PCLO: variants seen among roughly 807,000 people sequenced by gnomAD.
The protein encoded by PCLO is piccolo presynaptic cytomatrix protein, also known as protein piccolo.
Under a neutral mutation model 427.5 loss-of-function variants are expected in PCLO, and 82 were observed. The ratio of observed to expected loss-of-function variants is 0.19; its 90% CI spans 0.16 to 0.23. PCLO has a LOEUF of 0.23. Ranked by LOEUF, PCLO falls within the 10% of genes least tolerant of loss-of-function variation. The probability of loss-of-function intolerance (pLI) is 1.00; values close to 1 mark genes in which losing one functional copy is unlikely to be tolerated. For missense variants in PCLO, 6,239 were observed against 6,115.9 expected (o/e 1.02, Z -0.67); for synonymous variants, 2,357 against 2,155.4 (o/e 1.09, Z -2.59).
intron 3 of PCLO, among the ~76,000 whole-genome samples, chr7:83,044,013 G>T (rs1353453265): frequency 1.4e-5 from 2 of 146,630 alleles, no homozygotes; most frequent in Non-Finnish European, 3.0e-5. Context: ...CTGAGACTGG[G>T]TAATTTATTT....
intron 24 of PCLO, among the ~76,000 whole-genome samples, chr7:82,759,362 T>A (rs957235379): frequency 1.3e-5 from 2 of 151,882 alleles, no homozygotes; most frequent in Non-Finnish European, 2.9e-5. Flanking sequence ...AGTTATATAA[T>A]TTACCCTTAT....
Position 82,950,462 on chromosome 7 carries a change from C to T in PCLO, c.10126G>A (p.Val3376Ile), listed in dbSNP as rs755305348. 1.2e-5 allele frequency: 20 copies of T among 1,613,550 alleles called. No individual in the cohort carries two copies. The highest frequency in any genetic ancestry group is 2.2e-5 in the East Asian group (1 of 44,830). The change falls in exon 6 of 25, where the codon GTT (valine) becomes ATT (isoleucine). Residue 3376 changes from valine to isoleucine, a missense_variant. By Grantham distance (29) the Val-to-Ile change is conservative (BLOSUM62 3). This residue lies in a region of PCLO where 4,677 missense variants were observed against 4,468.4 expected (regional missense o/e 1.05). Coordinates refer to ENST00000333891, the MANE Select transcript of PCLO (RefSeq NM_033026.6). ...EIPQSQGWYTVQSDGVTQYIA... is the reference protein window; with the variant it reads ...EIPQSQGWYTIQSDGVTQYIA... ...TACTGAGTAACACCATCAGACTGAA[C>T]GGTGTACCATCCTTGGCTTTGTGGT... is the stretch of plus-strand genomic sequence containing the variant.
intron 14 of PCLO, among the ~76,000 whole-genome samples, chr7:82,840,753 C>A (rs1319041387): frequency 2.6e-5 from 4 of 151,958 alleles, no homozygotes; most frequent in Admixed American, 2.6e-4. Context: ...GACTCTCTTT[C>A]ATCTGAAACA....
At chr7:82,947,911 C>G (rs1215616340) in intron 6 of PCLO, among the ~76,000 whole-genome samples, 1 of 151,986 alleles carries the variant, frequency 6.6e-6, no homozygotes, top group Non-Finnish European at 1.5e-5. Flanking sequence ...TTTAGCTGAG[C>G]TCATTTGAAT....
chr7:82,987,672 G>GA (rs888078933), intron 3 of PCLO, among the ~76,000 whole-genome samples: 52 of 152,120 alleles, frequency 3.4e-4, no homozygotes, highest in Non-Finnish European at 4.9e-4. Context: ...GAATTTCACA[G>GA]AAAAAAATCC....
intron 10 of PCLO, among the ~76,000 whole-genome samples, chr7:82,876,055 A>C (rs1793361612): frequency 6.6e-6 from 1 of 152,082 alleles, no homozygotes; most frequent in Admixed American, 6.6e-5. Context: ...AGAAATACAG[A>C]AAACAAAGAT....
chr7:83,025,814 A>G (rs2116094550), intron 3 of PCLO, among the ~76,000 whole-genome samples: 1 of 152,280 alleles, frequency 6.6e-6, no homozygotes, highest in African/African-American at 2.4e-5. Flanking sequence ...ATTCTCAAAG[A>G]AAAGAATTTT....
chr7:83,087,253 G>C (rs1790261107), intron 3 of PCLO, among the ~76,000 whole-genome samples: 1 of 151,702 alleles, frequency 6.6e-6, no homozygotes, highest in Admixed American at 6.6e-5. Flanking sequence ...TAAGCCATGA[G>C]TACACAAAGG....
intron 10 of PCLO, among the ~76,000 whole-genome samples, chr7:82,852,963 C>T (rs1792702781): frequency 6.6e-6 from 1 of 152,052 alleles, no homozygotes; most frequent in South Asian, 2.1e-4. Context: ...GGAGTGAGAA[C>T]ACGCAATATT....
At chr7:82,911,058 T>C (rs1794308661) in intron 7 of PCLO, among the ~76,000 whole-genome samples, 1 of 152,132 alleles carries the variant, frequency 6.6e-6, no homozygotes, top group African/African-American at 2.4e-5. Context: ...ATTTTAAATA[T>C]AATTCTTTGA....
chr7:83,082,983 G>T (rs727494), intron 3 of PCLO, among the ~76,000 whole-genome samples: 42,445 of 151,296 alleles, frequency 0.28, 6,966 homozygotes, highest in East Asian at 0.55. Flanking sequence ...GATGCATTTT[G>T]TGTATGATAA....
chr7:83,024,550 G>A (rs954544094), intron 3 of PCLO, among the ~76,000 whole-genome samples: 1 of 152,184 alleles, frequency 6.6e-6, no homozygotes, highest in African/African-American at 2.4e-5. Flanking sequence ...CCATTGCCCA[G>A]GCTTGATTAG....
chr7:82,852,740 A>C (rs762487901), intron 10 of PCLO, among the ~76,000 whole-genome samples: 30 of 152,172 alleles, frequency 2.0e-4, no homozygotes, highest in Non-Finnish European at 2.9e-4. Flanking sequence ...TATTAGTGCT[A>C]TCTCTCTAGA....
At chr7:83,096,108 AC>A (rs1192734903) in intron 3 of PCLO, among the ~76,000 whole-genome samples, 1 of 152,140 alleles carries the variant, frequency 6.6e-6, no homozygotes, top group Non-Finnish European at 1.5e-5. Flanking sequence ...GAGATTTTAT[AC>A]ATTATTAATA....
chr7:83,044,215 T>C (rs1789048350), intron 3 of PCLO, among the ~76,000 whole-genome samples: 2 of 151,982 alleles, frequency 1.3e-5, no homozygotes, highest in African/African-American at 4.8e-5. Flanking sequence ...AAGAACAACA[T>C]GGGGGAACCG....
chr7:82,873,900 G>T (rs2116007681), intron 10 of PCLO, among the ~76,000 whole-genome samples: 1 of 152,106 alleles, frequency 6.6e-6, no homozygotes, highest in African/African-American at 2.4e-5. Flanking sequence ...GTAACACTGA[G>T]GGAAAAAATA....
intron 3 of PCLO, among the ~76,000 whole-genome samples, chr7:82,991,873 A>C (rs1796383687): frequency 6.6e-6 from 1 of 152,104 alleles, no homozygotes; most frequent in African/African-American, 2.4e-5. Flanking sequence ...CAGGCTTCTT[A>C]TATATTCCTA....
Position 82,826,578 on chromosome 7 carries a change from C to T in PCLO, c.14415+11G>A, listed in dbSNP as rs775620734. The T allele has an allele frequency of 8.9e-6, 14 of 1,566,926 alleles. No homozygotes were observed. The highest frequency in any genetic ancestry group is 4.4e-6 in the Non-Finnish European group (5 of 1,142,196). ...TAGCAGCAAATAAGGGAAAGGAAGT[C>T]AGAGGCTTACCTCCCCAAGGAAGTC... On this transcript the variant is annotated intron_variant, in intron 18 of 24. Transcript: ENST00000333891.
Position 82,950,062 on chromosome 7 carries a change from G to T in PCLO, c.10526C>A (p.Pro3509His). Residue 3509 changes from proline to histidine, a missense_variant, in exon 6 of 25, where the codon CCC (proline) becomes CAC (histidine). Transcript: ENST00000333891. The part of the protein sequence containing the change: ...DSMTEADKTK[P>H]LSKVSSIAVQ... Reference sequence around the variant, plus strand: ...TGCTATGCTGGAGACTTTGGAAAGGGGTTTGGTCTTGTCAGCCTCTGTCAT... The same window carrying T: ...TGCTATGCTGGAGACTTTGGAAAGGTGTTTGGTCTTGTCAGCCTCTGTCAT... 6.2e-7 allele frequency: 1 copy of T among 1,604,428 alleles called. No individual in the cohort carries two copies. Among genetic ancestry groups the T allele is most frequent in the Non-Finnish European group, 8.5e-7 (1 of 1,176,406 alleles).
Sources: allele counts gnomAD v4.1 joint callset (sites outside exome capture counted in the v4.1 genomes callset), GRCh38; gene constraint gnomAD v4.1.1; regional missense constraint gnomAD v4.1.1; transcripts MANE v1.5; gene names NCBI Gene and HGNC (gene_info 2026-07-23, HGNC 2026-07-21).